PCDHB2: variants seen among roughly 807,000 people sequenced by gnomAD.
PCDHB2 encodes protocadherin beta 2, also known as protocadherin beta-2.
For missense variants in PCDHB2, 914 were observed against 1,023.1 expected (o/e 0.89, Z 1.45); for synonymous variants, 395 against 464.9 (o/e 0.85, Z 1.93).
rs1015676927 is a variant in PCDHB2 at position 141,095,693 on chromosome 5, A to G, written c.903A>G (p.Gly301=). ...RKTFRLSAKS[G]ELLLRQKLDF... ...CGTTTCGATTAAGTGCAAAATCGGG[A>G]GAACTGCTTTTAAGACAGAAACTGG... Residue 301 remains glycine, a synonymous_variant, in exon 1 of 1, where the codon GGA becomes GGG. Transcript: ENST00000194155. 3.1e-6 allele frequency: 5 copies of G among 1,614,118 alleles called. No homozygotes were observed. Among genetic ancestry groups the G allele is most frequent in the Non-Finnish European group, 4.2e-6 (5 of 1,180,050 alleles).
Position 141,097,205 on chromosome 5 carries a change from C to T in PCDHB2, c.*18C>T. On this transcript the variant is annotated 3_prime_UTR_variant, in exon 1 of 1. Transcript: ENST00000194155. ...TCACTTAAGTGTTAATAAGGATCTA[C>T]TGAGGCTAGTCTCGTTTAATTTGTG... 3 of 1,589,162 alleles carry T rather than the reference C, an allele frequency of 1.9e-6. No individual in the cohort carries two copies. The highest frequency in any genetic ancestry group is 2.6e-6 in the Non-Finnish European group (3 of 1,166,628).
Position 141,096,824 on chromosome 5 carries a change from G to A in PCDHB2, c.2034G>A (p.Ala678=). Residue 678 remains alanine (A), a synonymous_variant, in exon 1 of 1, where the codon GCG becomes GCA. Coordinates refer to ENST00000194155, the MANE Select transcript of PCDHB2 (RefSeq NM_018936.4). ...AGCCCTACCTGCTGCTCCCGGAGGCGGCACCGGCCCAGGCCCAGGCCGACT... is the reference window on the plus strand; with the variant it reads ...AGCCCTACCTGCTGCTCCCGGAGGCAGCACCGGCCCAGGCCCAGGCCGACT... The part of the protein sequence containing the change: ...FSQPYLLLPE[A]APAQAQADLL... 6.2e-7 allele frequency: 1 copy of A among 1,610,632 alleles called. No homozygotes were observed. The highest frequency in any genetic ancestry group is 8.5e-7 in the Non-Finnish European group (1 of 1,179,764).
In PCDHB2 at chr5:141,096,632, C is replaced by G; in HGVS notation, c.1842C>G (p.Pro614=). The change falls in exon 1 of 1, where the codon CCC becomes CCG. Residue 614 remains proline (P), a synonymous_variant. Transcript: ENST00000194155. The part of the protein sequence containing the change: ...LSYQLLKATE[P]GLFGVWAHNG... ...ACCAGCTGCTCAAGGCCACGGAGCC[C>G]GGGCTGTTCGGCGTGTGGGCGCACA... is the stretch of plus-strand genomic sequence containing the variant. 1.2e-6 allele frequency: 2 copies of G among 1,608,212 alleles called. No individual in the cohort carries two copies. Among genetic ancestry groups the G allele is most frequent in the Non-Finnish European group, 1.7e-6 (2 of 1,179,528 alleles).
Position 141,095,208 on chromosome 5 carries a change from ATAC to A in PCDHB2, c.420_422del (p.Leu142del). ...TTCCCCAGTTTTCCTAGACAAAGAA[ATAC>A]TTTTGAAAATTCCAGAAAGTATCAC... On this transcript the variant is annotated inframe_deletion, in exon 1 of 1. Transcript: ENST00000194155. 1 of 1,611,108 alleles carries A rather than the reference ATAC, an allele frequency of 6.2e-7. No individual in the cohort carries two copies. The highest frequency in any genetic ancestry group is 8.5e-7 in the Non-Finnish European group (1 of 1,178,544).
chr5:141,096,468 T>C lies in PCDHB2; in HGVS notation c.1678T>C (p.Ser560Pro). 2 of 1,610,896 alleles carry C rather than the reference T, an allele frequency of 1.2e-6. No homozygotes were observed. Among genetic ancestry groups the C allele is most frequent in the South Asian group, 1.1e-5 (1 of 90,886 alleles). Reference protein sequence around the residue: ...RVLVLDANDNSPFVLYPLQNG... With the variant: ...RVLVLDANDNPPFVLYPLQNG... Reference sequence around the variant, plus strand: ...GCTGGTGCTGGACGCCAACGACAACTCGCCCTTCGTGCTGTACCCGCTGCA... The same window carrying C: ...GCTGGTGCTGGACGCCAACGACAACCCGCCCTTCGTGCTGTACCCGCTGCA... The change falls in exon 1 of 1, where the codon TCG (serine) becomes CCG (proline). Residue 560 changes from serine to proline, a missense_variant. Transcript: ENST00000194155.
In PCDHB2 at chr5:141,097,320, T is replaced by A; in HGVS notation, c.*133T>A. On this transcript the variant is annotated 3_prime_UTR_variant, in exon 1 of 1. Coordinates refer to ENST00000194155, the MANE Select transcript of PCDHB2 (RefSeq NM_018936.4). ...ATTCCAATTCTATGCATGTTACTGG[T>A]ATTTATAAATGTATGAGTTTTTTTG... The A allele has an allele frequency of 1.0e-6, 1 of 993,822 alleles. No individual in the cohort carries two copies. Among genetic ancestry groups the A allele is most frequent in the Non-Finnish European group, 1.4e-6 (1 of 690,878 alleles). The allele number at this position is 993,822 out of a possible 1,614,324, so 61.6% of individuals were successfully genotyped here.
chr5:141,096,404 C>G lies in PCDHB2; in HGVS notation c.1614C>G (p.Arg538=), dbSNP rs782049557. ...AGTTCCGCGTGGGCGCCGCAGACCG[C>G]GGCTCCCCGGCGTTGAGCAGCGAGG... is the stretch of plus-strand genomic sequence containing the variant. The part of the protein sequence containing the change: ...AFEFRVGAAD[R]GSPALSSEAL... Residue 538 remains arginine (R), a synonymous_variant, in exon 1 of 1, where the codon CGC becomes CGG. Transcript: ENST00000194155. 1 of 1,612,154 alleles carries G rather than the reference C, an allele frequency of 6.2e-7. No individual in the cohort carries two copies. Among genetic ancestry groups the G allele is most frequent in the Non-Finnish European group, 8.5e-7 (1 of 1,179,678 alleles).
Position 141,096,949 on chromosome 5 carries a change from G to C in PCDHB2, c.2159G>C (p.Arg720Thr), listed in dbSNP as rs782568670. ...FVAVRLCRRS[R>T]AASVGRCSVP... ...GCGGTGCGGCTGTGCAGGAGGAGCA[G>C]GGCGGCCTCGGTGGGTCGCTGCTCG... is the stretch of plus-strand genomic sequence containing the variant. Residue 720 changes from arginine (R) to threonine (T), a missense_variant, in exon 1 of 1, where the codon AGG becomes ACG. Arg to Thr is a moderately conservative substitution (Grantham distance 71, BLOSUM62 -1). Transcript: ENST00000194155. 4 of 1,612,434 alleles carry C rather than the reference G, an allele frequency of 2.5e-6. No homozygotes were observed. In the East Asian group the frequency reaches 8.9e-5, roughly 36 times the overall value.
rs372801150 is a variant in PCDHB2 at position 141,097,149 on chromosome 5, G to A, written c.2359G>A (p.Ala787Thr). 6.2e-7 allele frequency: 1 copy of A among 1,605,474 alleles called. No individual in the cohort carries two copies. The highest frequency in any genetic ancestry group is 1.3e-5 in the African/African-American group (1 of 74,828). Residue 787 changes from alanine to threonine, a missense_variant, in exon 1 of 1, where the codon GCA becomes ACA. Transcript: ENST00000194155. ...VAQGAERVSE[A>T]NPSFRKSFEF... ...TCAGGGTGCAGAGAGGGTTAGCGAG[G>A]CAAATCCCAGTTTCAGGAAGAGCTT...
At position 141,094,801 on chromosome 5, in the gene PCDHB2, G is replaced by A; in HGVS notation, c.11G>A (p.Gly4Glu). 1.9e-6 allele frequency: 3 copies of A among 1,559,116 alleles called. No homozygotes were observed. Among genetic ancestry groups the A allele is most frequent in the Non-Finnish European group, 1.7e-6 (2 of 1,154,622 alleles). MEA[G>E]EGKERVPKQR... ...AGAGACCAGAAAGCAATGGAGGCCG[G>A]AGAGGGGAAGGAGCGCGTTCCGAAA... Residue 4 changes from glycine to glutamate, a missense_variant, in exon 1 of 1, where the codon GGA becomes GAA. Coordinates refer to ENST00000194155, the MANE Select transcript of PCDHB2 (RefSeq NM_018936.4).
In PCDHB2 at chr5:141,096,666, G is replaced by A. The variant is rs1172178079; in HGVS notation, c.1876G>A (p.Val626Met). 1.9e-6 allele frequency: 3 copies of A among 1,609,806 alleles called. No homozygotes were observed. The highest frequency in any genetic ancestry group is 1.7e-5 in the Admixed American group (1 of 59,970). The part of the protein sequence containing the change: ...LFGVWAHNGE[V>M]RTARLLRERD... ...CGGCGTGTGGGCGCACAATGGCGAGGTGCGCACCGCCAGGCTGCTGAGGGA... is the reference window on the plus strand; with the variant it reads ...CGGCGTGTGGGCGCACAATGGCGAGATGCGCACCGCCAGGCTGCTGAGGGA... The change falls in exon 1 of 1, where the codon GTG (valine) becomes ATG (methionine). Residue 626 changes from valine to methionine, a missense_variant. By Grantham distance (21) the Val-to-Met change is conservative. Transcript: ENST00000194155.
chr5:141,098,577 T>G lies in PCDHB2; in HGVS notation c.*1390T>G, dbSNP rs1407579920. 1 of 152,198 alleles carries G rather than the reference T, an allele frequency of 6.6e-6. No homozygotes were observed. The highest frequency in any genetic ancestry group is 1.5e-5 in the Non-Finnish European group (1 of 68,032). 9.4% of individuals were successfully genotyped at this position (152,198 alleles called of 1,614,324 possible). On this transcript the variant is annotated 3_prime_UTR_variant, in exon 1 of 1. Transcript: ENST00000194155. ...GTTTCTCAACAGCTCCCTCATTTAT[T>G]GAATGATTCACACAGTCACTGGAAT...
Position 141,095,428 on chromosome 5 carries a change from C to T in PCDHB2, c.638C>T (p.Thr213Ile), listed in dbSNP as rs376693798. The change falls in exon 1 of 1, where the codon ACC (threonine) becomes ATC (isoleucine). Residue 213 changes from threonine to isoleucine, a missense_variant. Transcript: ENST00000194155. ...GAGGAGCAGCCTGAGATCAGGTTAA[C>T]CCTCACAGCGCTAGATGGCGGGAGT... ...DREEQPEIRL[T>I]LTALDGGSPP... 1.9e-6 allele frequency: 3 copies of T among 1,614,042 alleles called. No individual in the cohort carries two copies. Among genetic ancestry groups the T allele is most frequent in the African/African-American group, 1.3e-5 (1 of 74,922 alleles).
In PCDHB2 at chr5:141,097,035, C is replaced by A; in HGVS notation, c.2245C>A (p.Gln749Lys). Residue 749 changes from glutamine (Q) to lysine (K), a missense_variant, in exon 1 of 1, where the codon CAG becomes AAG. Physicochemically the swap from Gln to Lys is moderately conservative, Grantham distance 53. Transcript: ENST00000194155. ...CGTGAGCGGCACCGGGACCCTGTCC[C>A]AGAGCTACCAGTACGAGGTGTGTCT... is the stretch of plus-strand genomic sequence containing the variant. ...VDVSGTGTLS[Q>K]SYQYEVCLTG... The A allele has an allele frequency of 6.2e-7, 1 of 1,613,924 alleles. No homozygotes were observed. The highest frequency in any genetic ancestry group is 1.1e-5 in the South Asian group (1 of 91,058).
In PCDHB2 at chr5:141,096,885, G is replaced by A. The variant is rs781946742; in HGVS notation, c.2095G>A (p.Val699Met). ...CTACCTGGTGGTGGCGTTGGCCTCG[G>A]TGTCTTCGCTCTTCCTCTTCTCGGT... The part of the protein sequence containing the change: ...TVYLVVALAS[V>M]SSLFLFSVLL... The change falls in exon 1 of 1, where the codon GTG becomes ATG. Residue 699 changes from valine (V) to methionine (M), a missense_variant. Coordinates refer to ENST00000194155, the MANE Select transcript of PCDHB2 (RefSeq NM_018936.4). The A allele has an allele frequency of 8.1e-6, 13 of 1,611,764 alleles. No individual in the cohort carries two copies. The Admixed American group carries it at 2.0e-4, about 25-fold the overall frequency.
Position 141,097,129 on chromosome 5 carries a change from G to A in PCDHB2, c.2339G>A (p.Gly780Asp), listed in dbSNP as rs147209287. ...ATTATCCCCAACTTCGTTGCTCAGG[G>A]TGCAGAGAGGGTTAGCGAGGCAAAT... ...KPIIPNFVAQ[G>D]AERVSEANPS... is the part of the protein sequence containing the mutation. Residue 780 changes from glycine to aspartate, a missense_variant, in exon 1 of 1, where the codon GGT becomes GAT. Physicochemically the swap from Gly to Asp is moderately conservative, Grantham distance 94 (BLOSUM62 -1). Coordinates refer to ENST00000194155, the MANE Select transcript of PCDHB2 (RefSeq NM_018936.4). 17 of 1,604,702 alleles carry A rather than the reference G, an allele frequency of 1.1e-5. No individual in the cohort carries two copies. The highest frequency in any genetic ancestry group is 1.3e-5 in the African/African-American group (1 of 74,598).
chr5:141,097,085 G>C lies in PCDHB2; in HGVS notation c.2295G>C (p.Glu765Asp). 3 of 1,612,430 alleles carry C rather than the reference G, an allele frequency of 1.9e-6. No homozygotes were observed. The highest frequency in any genetic ancestry group is 2.5e-6 in the Non-Finnish European group (3 of 1,178,986). The change falls in exon 1 of 1, where the codon GAG becomes GAC. Residue 765 changes from glutamate (E) to aspartate (D), a missense_variant. By Grantham distance (45) the Glu-to-Asp change is conservative. Coordinates refer to ENST00000194155, the MANE Select transcript of PCDHB2 (RefSeq NM_018936.4). ...VCLTGGSGTN[E>D]FKFLKPIIPN... ...TGACTGGAGGCTCCGGGACAAATGAGTTCAAGTTCCTGAAGCCAATTATCC... is the reference window on the plus strand; with the variant it reads ...TGACTGGAGGCTCCGGGACAAATGACTTCAAGTTCCTGAAGCCAATTATCC...
Position 141,097,057 on chromosome 5 carries a change from G to C in PCDHB2, c.2267G>C (p.Cys756Ser). 1.2e-6 allele frequency: 2 copies of C among 1,613,722 alleles called. No homozygotes were observed. Among genetic ancestry groups the C allele is most frequent in the African/African-American group, 1.3e-5 (1 of 75,018 alleles). ...TLSQSYQYEVCLTGGSGTNEF... is the reference protein window; with the variant it reads ...TLSQSYQYEVSLTGGSGTNEF... ...TCCCAGAGCTACCAGTACGAGGTGT[G>C]TCTGACTGGAGGCTCCGGGACAAAT... The change falls in exon 1 of 1, where the codon TGT (cysteine) becomes TCT (serine). Residue 756 changes from cysteine to serine, a missense_variant. Coordinates refer to ENST00000194155, the MANE Select transcript of PCDHB2 (RefSeq NM_018936.4).
chr5:141,097,170 A>G lies in PCDHB2; in HGVS notation c.2380A>G (p.Ser794Gly). The G allele has an allele frequency of 6.2e-7, 1 of 1,607,378 alleles. No homozygotes were observed. The highest frequency in any genetic ancestry group is 1.7e-5 in the Admixed American group (1 of 59,598). The change falls in exon 1 of 1, where the codon AGC becomes GGC. Residue 794 changes from serine (S) to glycine (G), a missense_variant. Physicochemically the swap from Ser to Gly is moderately conservative, Grantham distance 56. Coordinates refer to ENST00000194155, the MANE Select transcript of PCDHB2 (RefSeq NM_018936.4). Reference protein sequence around the residue: ...VSEANPSFRKSFEFT With the variant: ...VSEANPSFRKGFEFT Reference sequence around the variant, plus strand: ...CGAGGCAAATCCCAGTTTCAGGAAGAGCTTTGAATTCACTTAAGTGTTAAT... The same window carrying G: ...CGAGGCAAATCCCAGTTTCAGGAAGGGCTTTGAATTCACTTAAGTGTTAAT...
Sources: gnomAD v4.1 joint callset for allele counts on GRCh38, gnomAD v4.1.1 for gene constraint, MANE v1.5 for transcripts, NCBI Gene and HGNC (gene_info 2026-07-23, HGNC 2026-07-21) for gene names.